The following DCC variants were observed in gnomAD, a reference collection of about 807,000 sequenced individuals.
The protein encoded by DCC is DCC netrin 1 receptor.
Under a neutral mutation model 172.5 loss-of-function variants are expected in DCC, and 58 were observed. That is an observed-to-expected ratio of 0.34 (90% CI 0.27 to 0.42). The LOEUF (loss-of-function observed/expected upper bound fraction) is 0.42. DCC is among the 10% of genes least tolerant of loss of function. DCC has a pLI of 1.00. For synonymous variants in DCC, 709 were observed against 644.5 expected, an observed-to-expected ratio of 1.10 and a Z score of -1.52; for missense variants, 1,740 against 1,791.0, an observed-to-expected ratio of 0.97 and a Z score of 0.51.
intron 17 of DCC, among the ~76,000 whole-genome samples, chr18:53,393,886 C>T (rs1031583172): frequency 2.2e-4 from 29 of 130,598 alleles, no homozygotes; most frequent in Non-Finnish European, 3.4e-4. Flanking sequence ...CTTTCAATTA[C>T]TAATGTACTA....
intron 5 of DCC, among the ~76,000 whole-genome samples, chr18:52,940,364 T>A (rs894341273): frequency 6.6e-6 from 1 of 152,134 alleles, no homozygotes; most frequent in Non-Finnish European, 1.5e-5. Context: ...GCAGACTAGA[T>A]CTTCTTGTCT....
intron 2 of DCC, among the ~76,000 whole-genome samples, chr18:52,817,178 G>A (rs2038316007): frequency 6.6e-6 from 1 of 152,110 alleles, no homozygotes; most frequent in Non-Finnish European, 1.5e-5. Flanking sequence ...ATATACATAT[G>A]TAAGAATGGA....
chr18:52,941,004 A>G (rs2040452818), intron 5 of DCC: 1 of 152,168 alleles, frequency 6.6e-6, no homozygotes, highest in Admixed American at 6.6e-5. Context: ...CAAAGGAATG[A>G]AATATTATAG....
chr18:52,359,082 A>T (rs1229221656), intron 1 of DCC, among the ~76,000 whole-genome samples: 2 of 152,180 alleles, frequency 1.3e-5, no homozygotes, highest in East Asian at 3.9e-4. Flanking sequence ...CTGGGGACAG[A>T]TGTTGCATTT....
At chr18:52,583,398 A>G (rs1249119824) in intron 1 of DCC, among the ~76,000 whole-genome samples, 2 of 152,206 alleles carry the variant, frequency 1.3e-5, no homozygotes, top group African/African-American at 4.8e-5. Flanking sequence ...AAAATATCAG[A>G]AATTAACTGA....
intron 1 of DCC, among the ~76,000 whole-genome samples, chr18:52,378,855 A>C (rs546827210): frequency 1.3e-5 from 2 of 152,144 alleles, no homozygotes; most frequent in Non-Finnish European, 2.9e-5. Flanking sequence ...GCTTAAATAT[A>C]TATACTATTT....
chr18:53,353,905 G>A (rs964231144), intron 15 of DCC, among the ~76,000 whole-genome samples: 2 of 152,000 alleles, frequency 1.3e-5, no homozygotes, highest in Non-Finnish European at 2.9e-5. Context: ...CTCTCCTAAT[G>A]CTATCCCTCC....
intron 5 of DCC, among the ~76,000 whole-genome samples, chr18:53,020,507 C>A (rs1170286558): frequency 6.6e-6 from 1 of 152,070 alleles, no homozygotes; most frequent in Admixed American, 6.6e-5. Flanking sequence ...TCAGAACCAG[C>A]AATAATCCAA....
intron 15 of DCC, among the ~76,000 whole-genome samples, chr18:53,342,985 A>G (rs1599042987): frequency 1.4e-5 from 2 of 146,662 alleles, no homozygotes; most frequent in East Asian, 4.2e-4. Flanking sequence ...TGTGGTATTT[A>G]TAAATGTGTA....
At chr18:52,790,281 A>G (rs2037736571) in intron 2 of DCC, among the ~76,000 whole-genome samples, 1 of 152,194 alleles carries the variant, frequency 6.6e-6, no homozygotes, top group Non-Finnish European at 1.5e-5. Context: ...TCCTAGCCTA[A>G]CATATGTTTT....
chr18:52,562,120 T>C (rs1598914933), intron 1 of DCC, among the ~76,000 whole-genome samples: 1 of 152,184 alleles, frequency 6.6e-6, no homozygotes, highest in African/African-American at 2.4e-5. Context: ...ACACCAAAAA[T>C]GCATTGGTAC....
chr18:52,871,677 ACTC>A (rs2039321467), intron 2 of DCC, among the ~76,000 whole-genome samples: 1 of 151,786 alleles, frequency 6.6e-6, no homozygotes, highest in Non-Finnish European at 1.5e-5. Flanking sequence ...CTGGTTTTAA[ACTC>A]CTGGGCTCAA....
At chr18:52,541,881 A>ATATATATGTATATATATATATATG (rs2032465656) in intron 1 of DCC, among the ~76,000 whole-genome samples, 1 of 133,084 alleles carries the variant, frequency 7.5e-6, no homozygotes, top group Non-Finnish European at 1.6e-5. Context: ...GTGTGTATAT[A>ATATATATGTATATATATATATATG]TATATATATA....
chr18:52,538,128 C>T (rs2032338302), intron 1 of DCC, among the ~76,000 whole-genome samples: 1 of 152,168 alleles, frequency 6.6e-6, no homozygotes, highest in Non-Finnish European at 1.5e-5. Context: ...AGCTTGGCAT[C>T]AGACCTCTAC....
chr18:53,144,944 CTAA>C (rs1156605111), intron 7 of DCC, among the ~76,000 whole-genome samples: 1 of 151,854 alleles, frequency 6.6e-6, no homozygotes, highest in Non-Finnish European at 1.5e-5. Context: ...CTTTTATCCC[CTAA>C]TTCTCATCTT....
At chr18:52,783,136 T>A (rs894263201) in intron 2 of DCC, among the ~76,000 whole-genome samples, 10 of 151,984 alleles carry the variant, frequency 6.6e-5, no homozygotes, top group African/African-American at 2.4e-4. Context: ...ACTCTATTTA[T>A]CATTTAAGTG....
chr18:52,658,878 C>T (rs2035305196), intron 1 of DCC, among the ~76,000 whole-genome samples: 1 of 148,760 alleles, frequency 6.7e-6, no homozygotes, highest in African/African-American at 2.5e-5. Context: ...AATGACTTTC[C>T]TACAAAATGT....
intron 2 of DCC, among the ~76,000 whole-genome samples, chr18:52,808,966 C>T (rs1664622163): frequency 6.6e-6 from 1 of 152,150 alleles, no homozygotes. Flanking sequence ...AATGTTTCCA[C>T]TTACTTTAAC....
At chr18:53,529,038 T>TCTCTCACACA (rs1203799842) in intron 28 of DCC, among the ~76,000 whole-genome samples, 32 of 65,256 alleles carry the variant, frequency 4.9e-4, no homozygotes, top group East Asian at 9.0e-4. Flanking sequence ...TCTCTCTCTC[T>TCTCTCACACA]CACACACACA....
Sources: gnomAD v4.1 joint callset for allele counts (sites outside exome capture counted in the v4.1 genomes callset) on GRCh38, gnomAD v4.1.1 for gene constraint, MANE v1.5 for transcripts, NCBI Gene and HGNC (gene_info 2026-07-23, HGNC 2026-07-21) for gene names.